The following GIGYF1 variants were observed in gnomAD, a reference collection of about 807,000 sequenced individuals.
GIGYF1 encodes the protein GRB10 interacting GYF protein 1, also known as GRB10-interacting GYF protein 1.
GIGYF1 carries 84 observed loss-of-function variants against 147.1 expected under a neutral mutation model. The ratio of observed to expected loss-of-function variants is 0.57; its 90% CI spans 0.48 to 0.68. The LOEUF (loss-of-function observed/expected upper bound fraction) is 0.68, where lower values mean the gene tolerates loss of function less well. Among genes scored for constraint, GIGYF1 ranks in the 30% least tolerant of loss-of-function variants. GIGYF1 has a pLI of 0.00. For missense variants in GIGYF1, 1,485 were observed against 1,393.7 expected, an observed-to-expected ratio of 1.07 and a Z score of -1.04; for synonymous variants, 752 against 589.5, an observed-to-expected ratio of 1.28 and a Z score of -3.99.
Position 100,686,523 on chromosome 7 carries a change from C to T in GIGYF1, c.695-90G>A. On this transcript the variant is annotated intron_variant, in intron 10 of 26. Transcript: ENST00000678049. ...TGCAGCTCACGGAGCACCTCCAGGG[C>T]TGCTGTCCCGGCCACTCCCACACCA... 3 of 1,520,780 alleles carry T rather than the reference C, an allele frequency of 2.0e-6. No individual in the cohort carries two copies. The South Asian group carries it at 3.8e-5, about 19-fold the overall frequency. 94.2% of individuals were successfully genotyped at this position (1,520,780 alleles called of 1,614,324 possible). A position where few individuals can be genotyped will look rare whatever the true frequency, so the allele number is the denominator to read the frequency against.
chr7:100,685,938 C>T (rs1311130229), intron 12 of GIGYF1, 36 bp downstream of exon 12: 1 of 1,575,682 alleles, frequency 6.3e-7, no homozygotes, highest in Non-Finnish European at 8.7e-7. Flanking sequence ...GCCTGCCCGG[C>T]CCAGCCCCAG....
chr7:100,684,701 C>T, intron 15 of GIGYF1, 22 bp downstream of exon 15: 1 of 1,610,266 alleles, frequency 6.2e-7, no homozygotes. Flanking sequence ...CCTTGAGCAG[C>T]CCTCCCATCC....
In GIGYF1 at chr7:100,689,033, G is replaced by C. The variant is rs1177782682; in HGVS notation, c.-576C>G. The C allele has an allele frequency of 6.6e-6, 1 of 152,618 alleles. No homozygotes were observed. Among genetic ancestry groups the C allele is most frequent in the Non-Finnish European group, 1.5e-5 (1 of 68,318 alleles). 9.5% of individuals were successfully genotyped at this position (152,618 alleles called of 1,614,324 possible). On this transcript the variant is annotated 5_prime_UTR_variant, in exon 2 of 27. Transcript: ENST00000678049. ...AAAAGGATTAGAAATAAATCTAGGA[G>C]CAAAATTCTTTCCCTCATGAAAAAA...
In GIGYF1 at chr7:100,679,955, G is replaced by A; in HGVS notation, c.*1764C>T. The A allele has an allele frequency of 6.6e-6, 1 of 152,648 alleles. No individual in the cohort carries two copies. The highest frequency in any genetic ancestry group is 1.5e-5 in the Non-Finnish European group (1 of 68,070). The allele number at this position is 152,648 out of a possible 1,614,324, so 9.5% of individuals were successfully genotyped here. A position where few individuals can be genotyped will look rare whatever the true frequency, so the allele number is the denominator to read the frequency against. ...GGGGGGGTTACATTCAGTCACAACA[G>A]GAGTCTCCCCCACACCTGGCAAGAG... On this transcript the variant is annotated 3_prime_UTR_variant, in exon 27 of 27. Coordinates refer to ENST00000678049, the MANE Select transcript of GIGYF1 (RefSeq NM_001375765.1).
chr7:100,693,933 G>T (rs1806036585), intron 1 of GIGYF1, 177 bp downstream of exon 1: 1 of 151,132 alleles, frequency 6.6e-6, no homozygotes, highest in Non-Finnish European at 1.5e-5. Context: ...GCGGGAGGAC[G>T]CACCGGGCTG....
rs1804558365 is a variant in GIGYF1, at chr7:100,679,857, C to A, written c.*1862G>T. ...CTCCAGGCTCATGGGCCCCCTAAGTCCAAAGTCTCTTTAGCTGGGGAGAAG... is the reference window on the plus strand; with the variant it reads ...CTCCAGGCTCATGGGCCCCCTAAGTACAAAGTCTCTTTAGCTGGGGAGAAG... On this transcript the variant is annotated 3_prime_UTR_variant, in exon 27 of 27. Transcript: ENST00000678049. 6.6e-6 allele frequency: 1 copy of A among 152,482 alleles called. No individual in the cohort carries two copies. The allele number at this position is 152,482 out of a possible 1,614,324, so 9.4% of individuals were successfully genotyped here.
At chr7:100,689,897 C>T (rs1246307438) in intron 1 of GIGYF1, among the ~76,000 whole-genome samples, 1 of 152,180 alleles carries the variant, frequency 6.6e-6, no homozygotes, top group Admixed American at 6.5e-5. Context: ...GAGAGCTACC[C>T]CTTACTTCTC....
intron 15 of GIGYF1, 35 bp from the exon 16 acceptor site, chr7:100,684,651 G>A (rs751635701): frequency 6.2e-7 from 1 of 1,613,330 alleles, no homozygotes; most frequent in African/African-American, 1.3e-5. Context: ...AGAACCACTG[G>A]GGTCACAGGG....
chr7:100,685,423 T>G lies in GIGYF1; in HGVS notation c.1113A>C (p.Pro371=). 6.3e-7 allele frequency: 1 copy of G among 1,588,070 alleles called. No homozygotes were observed. Among genetic ancestry groups the G allele is most frequent in the South Asian group, 1.2e-5 (1 of 86,810 alleles). ...PQEEKSSSPS[P]LPTLGPLWGT... is the part of the protein sequence containing the mutation. ...CCCAGAGTGGGCCCAGGGTGGGCAGTGGGGATGGGGAGCTGGACTTCTCCT... is the reference window on the plus strand; with the variant it reads ...CCCAGAGTGGGCCCAGGGTGGGCAGGGGGGATGGGGAGCTGGACTTCTCCT... The change falls in exon 13 of 27, where the codon CCA becomes CCC. Residue 371 remains proline, a synonymous_variant. Coordinates refer to ENST00000678049, the MANE Select transcript of GIGYF1 (RefSeq NM_001375765.1).
Position 100,683,137 on chromosome 7 carries a change from C to T in GIGYF1, c.2287G>A (p.Gly763Ser). 1 of 1,597,162 alleles carries T rather than the reference C, an allele frequency of 6.3e-7. No homozygotes were observed. Among genetic ancestry groups the T allele is most frequent in the Non-Finnish European group, 8.5e-7 (1 of 1,175,994 alleles). The change falls in exon 22 of 27, where the codon GGC becomes AGC. Residue 763 changes from glycine (G) to serine (S), a missense_variant. Coordinates refer to ENST00000678049, the MANE Select transcript of GIGYF1 (RefSeq NM_001375765.1). Reference sequence around the variant, plus strand: ...ATGGACAGCCCCTGCTTGGCCAGGCCAGCCCAGAGTGGGGGCGGGGAGCTG... The same window carrying T: ...ATGGACAGCCCCTGCTTGGCCAGGCTAGCCCAGAGTGGGGGCGGGGAGCTG... ...APSSPPPLWA[G>S]LAKQGLSMKT... is the part of the protein sequence containing the mutation.
chr7:100,685,260 C>G, intron 13 of GIGYF1, 84 bp downstream of exon 13: 2 of 1,535,198 alleles, frequency 1.3e-6, no homozygotes, highest in Non-Finnish European at 8.8e-7. Flanking sequence ...ATGTGAATGC[C>G]CTGTGTGCCC....
chr7:100,688,626 G>T lies in GIGYF1; in HGVS notation c.-169C>A. ...TGGCCCGGGAAGAAGGAGGGCAGGG[G>T]CTGGTGCTGGAGTGAACGAGGGTAC... is the stretch of plus-strand genomic sequence containing the variant. On this transcript the variant is annotated 5_prime_UTR_variant, in exon 2 of 27. Transcript: ENST00000678049. The T allele has an allele frequency of 6.3e-6, 3 of 477,500 alleles. No homozygotes were observed. Among genetic ancestry groups the T allele is most frequent in the South Asian group, 4.9e-5 (3 of 60,644 alleles). The allele number at this position is 477,500 out of a possible 1,614,324, so 29.6% of individuals were successfully genotyped here. A position where few individuals can be genotyped will look rare whatever the true frequency, so the allele number is the denominator to read the frequency against.
intron 1 of GIGYF1, among the ~76,000 whole-genome samples, chr7:100,692,797 C>T (rs1051743906): frequency 6.6e-6 from 1 of 152,210 alleles, no homozygotes; most frequent in African/African-American, 2.4e-5. Context: ...AAATCCTTCC[C>T]AATGGCACGA....
rs763147690 is a variant in GIGYF1 at position 100,687,546 on chromosome 7, A to AG, written c.331dup (p.Leu111ProfsTer20). 52 of 1,609,456 alleles carry AG rather than the reference A, an allele frequency of 3.2e-5. No homozygotes were observed. The highest frequency in any genetic ancestry group is 2.2e-5 in the East Asian group (1 of 44,834). ...GCCCCTGCCTCGGGAGGTGCCAGCC[A>AG]GGGGGGGGCCAGCCCCTTTCCCCAT... On this transcript the variant is annotated frameshift_variant, in exon 7 of 27. Coordinates refer to ENST00000678049, the MANE Select transcript of GIGYF1 (RefSeq NM_001375765.1). LOFTEE classifies it high-confidence loss of function.
At position 100,683,641 on chromosome 7, in the gene GIGYF1, G is replaced by A. The variant is rs199778365; in HGVS notation, c.1970-9C>T. On this transcript the variant is annotated splice_polypyrimidine_tract_variant and intron_variant, in intron 19 of 26. Coordinates refer to ENST00000678049, the MANE Select transcript of GIGYF1 (RefSeq NM_001375765.1). The stretch of plus-strand genomic sequence containing the variant: ...AAGACTGGCCTCACCACCTGCAGGG[G>A]GCAGGGGGGCAGAGGCGGCTGCAGG... 3,091 of 1,613,058 alleles carry A rather than the reference G, an allele frequency of 1.9e-3. 6 individuals carry two copies. The highest frequency in any genetic ancestry group is 2.5e-3 in the Non-Finnish European group (2,991 of 1,179,078).
intron 1 of GIGYF1, among the ~76,000 whole-genome samples, chr7:100,689,927 C>T (rs1328306686): frequency 1.3e-5 from 2 of 152,156 alleles, no homozygotes; most frequent in Admixed American, 6.5e-5. Flanking sequence ...GTCTCTAGAG[C>T]AGTCACTCAT....
In GIGYF1 at chr7:100,688,505, C is replaced by T. The variant is rs558015709; in HGVS notation, c.-124G>A. On this transcript the variant is annotated 5_prime_UTR_variant, in exon 3 of 27. Transcript: ENST00000678049. ...TGAGTTACCCAGAGATGAGTCCAGA[C>T]GGTGAAAGACCTGGGGGAGGCGAGG... The T allele has an allele frequency of 6.4e-4, 435 of 679,076 alleles. 2 individuals carry two copies. The highest frequency in any genetic ancestry group is 1.3e-3 in the Admixed American group (64 of 49,182). The allele number at this position is 679,076 out of a possible 1,614,324, so 42.1% of individuals were successfully genotyped here.
At chr7:100,691,967 G>A (rs1805865548) in intron 1 of GIGYF1, among the ~76,000 whole-genome samples, 1 of 152,260 alleles carries the variant, frequency 6.6e-6, no homozygotes, top group African/African-American at 2.4e-5. Context: ...CGGTCCCAGT[G>A]CACATTCAGC....
At chr7:100,685,168 G>A (rs763711325) in intron 13 of GIGYF1, 22 bp from the exon 14 acceptor site, 12 of 1,557,612 alleles carry the variant, frequency 7.7e-6, no homozygotes, top group Non-Finnish European at 9.6e-6. Context: ...GAGATAGGAG[G>A]TGGAAAGAAG....
Sources: gnomAD v4.1 joint callset for allele counts (sites outside exome capture counted in the v4.1 genomes callset) on GRCh38, gnomAD v4.1.1 for gene constraint, MANE v1.5 for transcripts, NCBI Gene and HGNC (gene_info 2026-07-23, HGNC 2026-07-21) for gene names.